The following LRRIQ3 variants were observed in gnomAD, a reference collection of about 807,000 sequenced individuals.
LRRIQ3 encodes the protein leucine rich repeats and IQ motif containing 3.
A neutral mutation model predicts 59.3 loss-of-function variants in LRRIQ3; 75 were observed. The observed-to-expected ratio is 1.26, with a 90% CI of 1.05 to 1.53. LRRIQ3 has a LOEUF of 1.53. LRRIQ3 is among the 40% of genes most tolerant of loss of function. LRRIQ3 has a pLI of 0.00. For missense variants in LRRIQ3, 831 were observed against 710.0 expected, an observed-to-expected ratio of 1.17 and a Z score of -1.94; for synonymous variants, 250 against 231.3, an observed-to-expected ratio of 1.08 and a Z score of -0.73.
intron 3 of LRRIQ3, among the ~76,000 whole-genome samples, chr1:74,167,688 A>C (rs1463860128): frequency 6.6e-6 from 1 of 151,834 alleles, no homozygotes; most frequent in Admixed American, 6.6e-5. Context: ...TGGGAGCACC[A>C]AAATCTCAGA....
chr1:74,132,681 A>T (rs541798146), intron 4 of LRRIQ3, among the ~76,000 whole-genome samples: 2 of 152,286 alleles, frequency 1.3e-5, no homozygotes, highest in Non-Finnish European at 2.9e-5. Flanking sequence ...CTGAAACTGG[A>T]TGCCTTCCTT....
At chr1:74,166,127 A>G (rs557754158) in intron 3 of LRRIQ3, among the ~76,000 whole-genome samples, 8 of 151,630 alleles carry the variant, frequency 5.3e-5, no homozygotes, top group Admixed American at 1.3e-4. Flanking sequence ...TATATTGTAC[A>G]GAATTGGTGT....
At chr1:74,079,133 G>C (rs1179191762) in intron 5 of LRRIQ3, among the ~76,000 whole-genome samples, 2 of 151,380 alleles carry the variant, frequency 1.3e-5, no homozygotes, top group African/African-American at 4.8e-5. Context: ...ATTTTCATTT[G>C]TCAAAATGTA....
At chr1:74,187,083 T>C (rs2100734098) in intron 1 of LRRIQ3, among the ~76,000 whole-genome samples, 1 of 152,236 alleles carries the variant, frequency 6.6e-6, no homozygotes, top group South Asian at 2.1e-4. Flanking sequence ...CTGGTGGGAA[T>C]GTAAACTAGT....
intron 3 of LRRIQ3, among the ~76,000 whole-genome samples, chr1:74,156,349 C>A (rs1281342296): frequency 6.6e-6 from 1 of 152,110 alleles, no homozygotes; most frequent in Non-Finnish European, 1.5e-5. Context: ...AAATAAACCT[C>A]TTTTCTTTAT....
At chr1:74,080,368 A>T (rs1190794046) in intron 5 of LRRIQ3, among the ~76,000 whole-genome samples, 1 of 151,722 alleles carries the variant, frequency 6.6e-6, no homozygotes, top group African/African-American at 2.4e-5. Context: ...ACTCTCCACA[A>T]TTGACAAATT....
chr1:74,074,313 A>G (rs988376295), intron 6 of LRRIQ3, among the ~76,000 whole-genome samples: 1 of 152,168 alleles, frequency 6.6e-6, no homozygotes, highest in Admixed American at 6.6e-5. Flanking sequence ...AAAGTGCACA[A>G]ATCACAAGTG....
chr1:74,167,067 T>A (rs115424553), intron 3 of LRRIQ3, among the ~76,000 whole-genome samples: 6,064 of 151,882 alleles, frequency 0.04, 154 homozygotes, highest in South Asian at 0.13. Flanking sequence ...TAAAAGTAGA[T>A]CTACCATTAG....
chr1:74,055,557 T>C (rs563228943), intron 6 of LRRIQ3, among the ~76,000 whole-genome samples: 29 of 152,308 alleles, frequency 1.9e-4, no homozygotes, highest in African/African-American at 6.3e-4. Context: ...TATCATTCAT[T>C]ATACATATTC....
intron 3 of LRRIQ3, among the ~76,000 whole-genome samples, chr1:74,157,739 T>C (rs1648423418): frequency 6.6e-6 from 1 of 152,148 alleles, no homozygotes; most frequent in African/African-American, 2.4e-5. Flanking sequence ...ATATATACCA[T>C]GTTTATCACT....
intron 5 of LRRIQ3, among the ~76,000 whole-genome samples, chr1:74,106,680 T>C (rs1646618907): frequency 6.6e-6 from 1 of 151,966 alleles, no homozygotes; most frequent in Admixed American, 6.6e-5. Flanking sequence ...ATATTTTGCT[T>C]AGAACAGCAG....
chr1:74,030,497 A>T (rs1456785727), intron 7 of LRRIQ3, among the ~76,000 whole-genome samples: 3 of 152,210 alleles, frequency 2.0e-5, no homozygotes, highest in Non-Finnish European at 4.4e-5. Context: ...CCTGACAAAA[A>T]CAATAAATGG....
intron 5 of LRRIQ3, among the ~76,000 whole-genome samples, chr1:74,108,485 C>T (rs569132707): frequency 1.3e-5 from 2 of 151,766 alleles, no homozygotes; most frequent in Admixed American, 6.6e-5. Flanking sequence ...GAGAACATTA[C>T]TATGCTATAT....
At chr1:74,126,479 G>A (rs1646937848) in intron 4 of LRRIQ3, among the ~76,000 whole-genome samples, 2 of 151,710 alleles carry the variant, frequency 1.3e-5, no homozygotes, top group Middle Eastern at 3.4e-3. Context: ...ATCTGATATT[G>A]GTGCTTATAG....
At chr1:74,112,478 C>T (rs930429856) in intron 4 of LRRIQ3, among the ~76,000 whole-genome samples, 1 of 152,152 alleles carries the variant, frequency 6.6e-6, no homozygotes, top group Non-Finnish European at 1.5e-5. Context: ...ACAGCAAAAA[C>T]TGGCCTCAAA....
chr1:74,080,380 A>G (rs1646260580), intron 5 of LRRIQ3, among the ~76,000 whole-genome samples: 1 of 151,748 alleles, frequency 6.6e-6, no homozygotes, highest in African/African-American at 2.4e-5. Flanking sequence ...TGACAAATTG[A>G]ATAAGTACCT....
At chr1:74,046,637 A>G (rs577924953) in intron 6 of LRRIQ3, among the ~76,000 whole-genome samples, 6 of 152,314 alleles carry the variant, frequency 3.9e-5, no homozygotes, top group Admixed American at 1.3e-4. Flanking sequence ...ACAGCAAAAG[A>G]AACTATCATC....
intron 4 of LRRIQ3, among the ~76,000 whole-genome samples, chr1:74,113,323 A>C: frequency 6.6e-6 from 1 of 152,068 alleles, no homozygotes; most frequent in East Asian, 1.9e-4. Context: ...TGGGAGTACA[A>C]GAAAATAATA....
At chr1:74,093,576 G>A (rs1029312204) in intron 5 of LRRIQ3, among the ~76,000 whole-genome samples, 2 of 152,186 alleles carry the variant, frequency 1.3e-5, no homozygotes. Flanking sequence ...CCAATATAAC[G>A]ATTGGAATTA....
Sources: allele counts gnomAD v4.1 joint callset (sites outside exome capture counted in the v4.1 genomes callset), GRCh38; gene constraint gnomAD v4.1.1; transcripts MANE v1.5; gene names NCBI Gene and HGNC (gene_info 2026-07-23, HGNC 2026-07-21).